Variants in NUFIP2 observed in about 807,000 individuals in gnomAD.
The protein encoded by NUFIP2 is nuclear FMR1 interacting protein 2.
NUFIP2 carries 6 observed loss-of-function variants against 56.9 expected under a neutral mutation model. The observed-to-expected ratio is 0.11, with a 90% CI of 0.06 to 0.21. The LOEUF (loss-of-function observed/expected upper bound fraction) is 0.21, where lower values mean the gene tolerates loss of function less well. NUFIP2 is among the 10% of genes least tolerant of loss of function. The pLI, the probability that NUFIP2 is intolerant of heterozygous loss-of-function variation, is 1.00. For missense variants in NUFIP2, 828 were observed against 826.8 expected (o/e 1.00, Z -0.02); for synonymous variants, 321 against 298.2 (o/e 1.08, Z -0.79).
chr17:29,281,269 C>A (rs924601417), intron 2 of NUFIP2, among the ~76,000 whole-genome samples: 1 of 151,930 alleles, frequency 6.6e-6, no homozygotes, highest in Non-Finnish European at 1.5e-5. Flanking sequence ...TTGCAGTGAG[C>A]CGAGATCACG....
intron 1 of NUFIP2, 91 bp downstream of exon 1, chr17:29,293,692 C>G: frequency 1.5e-6 from 2 of 1,364,610 alleles, no homozygotes; most frequent in South Asian, 3.0e-5. Flanking sequence ...CACACCCCGA[C>G]CCCGTCCGCG....
Position 29,287,080 on chromosome 17 carries a change from T to C in NUFIP2, c.914A>G (p.Asp305Gly), listed in dbSNP as rs766230075. The C allele has an allele frequency of 1.9e-6, 3 of 1,614,180 alleles. No individual in the cohort carries two copies. The highest frequency in any genetic ancestry group is 2.5e-6 in the Non-Finnish European group (3 of 1,180,030). ...TTTGCTGCTCACACCAGGTTTACTA[T>C]CTGAGCTTTTCCGAAGCATATCACC... is the stretch of plus-strand genomic sequence containing the variant. Reference protein sequence around the residue: ...AVGDMLRKSSDSKPGVSSKKF... With the variant: ...AVGDMLRKSSGSKPGVSSKKF... The change falls in exon 2 of 4, where the codon GAT becomes GGT. Residue 305 changes from aspartate (D) to glycine (G), a missense_variant. Physicochemically the swap from Asp to Gly is moderately conservative, Grantham distance 94 (BLOSUM62 -1). Coordinates refer to ENST00000225388, the MANE Select transcript of NUFIP2 (RefSeq NM_020772.3).
chr17:29,288,619 C>T (rs2069192414), intron 1 of NUFIP2, among the ~76,000 whole-genome samples: 1 of 152,152 alleles, frequency 6.6e-6, no homozygotes, highest in South Asian at 2.1e-4. Context: ...ATGTTTCCAA[C>T]CTTTATAAAA....
chr17:29,262,197 G>T lies in NUFIP2; in HGVS notation c.*2342C>A, dbSNP rs2069007432. On this transcript the variant is annotated 3_prime_UTR_variant, in exon 4 of 4. Transcript: ENST00000225388. ...AAAGTTTCTTGTGAGTTGTGAGACG[G>T]AAGAACTTTAAAATTCCAGGCAAGC... is the stretch of plus-strand genomic sequence containing the variant. 6.6e-6 allele frequency: 1 copy of T among 152,398 alleles called. No homozygotes were observed. The highest frequency in any genetic ancestry group is 6.6e-5 in the Admixed American group (1 of 15,212). 9.4% of individuals were successfully genotyped at this position (152,398 alleles called of 1,614,324 possible).
chr17:29,266,729 T>C (rs2153010816), intron 3 of NUFIP2, among the ~76,000 whole-genome samples: 1 of 151,924 alleles, frequency 6.6e-6, no homozygotes, highest in East Asian at 1.9e-4. Flanking sequence ...TAATAACATT[T>C]ATGGCTTGTC....
At chr17:29,267,356 T>C in intron 3 of NUFIP2, 142 bp downstream of exon 3, 1 of 553,714 alleles carries the variant, frequency 1.8e-6, no homozygotes, top group East Asian at 3.4e-5. Flanking sequence ...GCCCAGCTGC[T>C]AGTGCCTTTT....
In NUFIP2 at chr17:29,259,983, C is replaced by T. The variant is rs2068993289; in HGVS notation, c.*4556G>A. The T allele has an allele frequency of 6.6e-6, 1 of 152,168 alleles. No individual in the cohort carries two copies. The highest frequency in any genetic ancestry group is 2.1e-4 in the South Asian group (1 of 4,826). 9.4% of individuals were successfully genotyped at this position (152,168 alleles called of 1,614,324 possible). On this transcript the variant is annotated 3_prime_UTR_variant, in exon 4 of 4. Transcript: ENST00000225388. ...CAGGTGATGTATATTTTAAAAGAAA[C>T]ATTTTAAGATACCAAAACAGAAGCC...
At chr17:29,266,606 A>G (rs1411189038) in intron 3 of NUFIP2, among the ~76,000 whole-genome samples, 10 of 151,944 alleles carry the variant, frequency 6.6e-5, no homozygotes. Flanking sequence ...TATAACAGCT[A>G]ATATTTTTCT....
intron 1 of NUFIP2, among the ~76,000 whole-genome samples, chr17:29,290,460 G>C (rs2069204234): frequency 6.6e-6 from 1 of 151,370 alleles, no homozygotes; most frequent in Non-Finnish European, 1.5e-5. Flanking sequence ...TTTGAGACCA[G>C]TCCGGCCAAC....
intron 1 of NUFIP2, among the ~76,000 whole-genome samples, 188 bp downstream of exon 1, chr17:29,293,595 G>A (rs1029536902): frequency 6.6e-6 from 1 of 152,064 alleles, no homozygotes; most frequent in Non-Finnish European, 1.5e-5. Context: ...ATGCTGGAGG[G>A]AAGGAGAGGG....
In NUFIP2 at chr17:29,293,415, G is replaced by A. The variant is rs192419107; in HGVS notation, c.277+368C>T. Reference sequence around the variant, plus strand: ...GTTACACCTCGAGGGATTTTTTGGGGGGGTAGGTTTACCCCATCTCAGGGC... The same window carrying A: ...GTTACACCTCGAGGGATTTTTTGGGAGGGTAGGTTTACCCCATCTCAGGGC... On this transcript the variant is annotated intron_variant, in intron 1 of 3. Transcript: ENST00000225388. 1.9e-3 allele frequency among the ~76,000 whole-genome samples: 295 copies of A among 152,190 alleles called. 1 individual carries two copies. Among genetic ancestry groups the A allele is most frequent in the African/African-American group, 6.9e-3 (285 of 41,536 alleles).
chr17:29,270,685 GA>G (rs201741412), intron 2 of NUFIP2, among the ~76,000 whole-genome samples: 11 of 149,552 alleles, frequency 7.4e-5, no homozygotes, highest in African/African-American at 1.5e-4. Context: ...GTCATACGCT[GA>G]AAAAAAAAAT....
chr17:29,268,642 C>T (rs569112580), intron 2 of NUFIP2, among the ~76,000 whole-genome samples: 3 of 152,236 alleles, frequency 2.0e-5, no homozygotes, highest in East Asian at 3.9e-4. Flanking sequence ...CTCAGCCTCC[C>T]GAGTAGCTGG....
chr17:29,262,187 T>C lies in NUFIP2; in HGVS notation c.*2352A>G, dbSNP rs1333519156. 2.6e-5 allele frequency: 4 copies of C among 152,464 alleles called. No individual in the cohort carries two copies. The highest frequency in any genetic ancestry group is 1.3e-4 in the Admixed American group (2 of 15,254). The allele number at this position is 152,464 out of a possible 1,614,324, so 9.4% of individuals were successfully genotyped here. Reference sequence around the variant, plus strand: ...ACAAACCCAGAAAGTTTCTTGTGAGTTGTGAGACGGAAGAACTTTAAAATT... The same window carrying C: ...ACAAACCCAGAAAGTTTCTTGTGAGCTGTGAGACGGAAGAACTTTAAAATT... On this transcript the variant is annotated 3_prime_UTR_variant, in exon 4 of 4. Coordinates refer to ENST00000225388, the MANE Select transcript of NUFIP2 (RefSeq NM_020772.3).
Position 29,256,676 on chromosome 17 carries a change from A to G in NUFIP2, c.*7863T>C, listed in dbSNP as rs2068972856. 6.6e-6 allele frequency: 1 copy of G among 152,142 alleles called. No individual in the cohort carries two copies. The highest frequency in any genetic ancestry group is 2.4e-5 in the African/African-American group (1 of 41,458). 9.4% of individuals were successfully genotyped at this position (152,142 alleles called of 1,614,324 possible). On this transcript the variant is annotated 3_prime_UTR_variant, in exon 4 of 4. Transcript: ENST00000225388. ...GTCCTGAACCAATTAAAAAAAAAAA[A>G]ACTTTAAAAAAGATGATTTGACAAA...
At chr17:29,273,682 G>C (rs2069090285) in intron 2 of NUFIP2, among the ~76,000 whole-genome samples, 1 of 152,122 alleles carries the variant, frequency 6.6e-6, no homozygotes, top group South Asian at 2.1e-4. Context: ...TAGGCAATTA[G>C]ACCTAATAGA....
At chr17:29,275,198 T>A (rs942399841) in intron 2 of NUFIP2, among the ~76,000 whole-genome samples, 3 of 152,040 alleles carry the variant, frequency 2.0e-5, no homozygotes, top group African/African-American at 7.2e-5. Flanking sequence ...TTTTTTGTAT[T>A]TTTTTTGTAC....
At chr17:29,266,032 G>A (rs1329702565) in intron 3 of NUFIP2, among the ~76,000 whole-genome samples, 4 of 152,066 alleles carry the variant, frequency 2.6e-5, no homozygotes, top group East Asian at 1.9e-4. Flanking sequence ...GAGCAATGGC[G>A]TGATCTCAGC....
intron 2 of NUFIP2, among the ~76,000 whole-genome samples, chr17:29,278,670 T>A (rs558374114): frequency 6.6e-6 from 1 of 152,212 alleles, no homozygotes; most frequent in East Asian, 1.9e-4. Context: ...TTTGCTACTA[T>A]CATTATAGTA....
Sources: allele counts gnomAD v4.1 joint callset (sites outside exome capture counted in the v4.1 genomes callset), GRCh38; gene constraint gnomAD v4.1.1; transcripts MANE v1.5; gene names NCBI Gene and HGNC (gene_info 2026-07-23, HGNC 2026-07-21).